Variants in KMT2C observed in about 807,000 individuals in gnomAD.
The protein encoded by KMT2C is lysine methyltransferase 2C.
A neutral mutation model predicts 507.9 loss-of-function variants in KMT2C; 88 were observed. The ratio of observed to expected loss-of-function variants is 0.17; its 90% confidence interval spans 0.15 to 0.21. The LOEUF is 0.21. Ranked by LOEUF, KMT2C falls within the 10% of genes least tolerant of loss-of-function variation. The probability of loss-of-function intolerance (pLI) is 1.00; values close to 1 mark genes in which losing one functional copy is unlikely to be tolerated. For missense variants in KMT2C, 4,954 were observed against 5,957.8 expected, an observed-to-expected ratio of 0.83 and a Z score of 5.55; for synonymous variants, 2,049 against 2,080.8, an observed-to-expected ratio of 0.98 and a Z score of 0.42.
chr7:152,350,199 G>A lies in KMT2C; in HGVS notation c.250+8388C>T, dbSNP rs570827144. On this transcript the variant is annotated intron_variant, in intron 2 of 58. Coordinates refer to ENST00000262189, the MANE Select transcript of KMT2C (RefSeq NM_170606.3). The stretch of plus-strand genomic sequence containing the variant: ...CAGGAGGCAGAAGTTGCAGTGAGCC[G>A]AGATTGCACCATTGCACTCCAGCTT... Among the ~76,000 whole-genome samples the A allele has an allele frequency of 3.9e-5, 6 of 152,242 alleles. No individual in the cohort carries two copies. The South Asian group carries it at 8.3e-4, about 21-fold the overall frequency.
intron 3 of KMT2C, among the ~76,000 whole-genome samples, chr7:152,326,556 T>C (rs1354993469): frequency 1.3e-5 from 2 of 152,186 alleles, no homozygotes; most frequent in Non-Finnish European, 2.9e-5. Flanking sequence ...CATATTCATT[T>C]AGAACATTTT....
intron 3 of KMT2C, among the ~76,000 whole-genome samples, chr7:152,324,866 GCTAA>G (rs1563864289): frequency 6.6e-6 from 1 of 151,912 alleles, no homozygotes; most frequent in Non-Finnish European, 1.5e-5. Context: ...CAAAATATTA[GCTAA>G]CTAAAACCCA....
rs77024878 is a variant in KMT2C, at chr7:152,327,188, C to T, written c.389+3413G>A. Reference sequence around the variant, plus strand: ...AGCATCAATCTACCTATATTTTTTACATGGATAGCCAATTATTGAGTGACC... The same window carrying T: ...AGCATCAATCTACCTATATTTTTTATATGGATAGCCAATTATTGAGTGACC... On this transcript the variant is annotated intron_variant, in intron 3 of 58. Transcript: ENST00000262189. Among the ~76,000 whole-genome samples, 478 of 152,332 alleles carry T rather than the reference C, an allele frequency of 3.1e-3. 16 individuals carry two copies. The East Asian group carries it at 0.075, about 24-fold the overall frequency.
intron 6 of KMT2C, among the ~76,000 whole-genome samples, chr7:152,292,480 G>T (rs1373521638): frequency 6.6e-6 from 1 of 151,948 alleles, no homozygotes; most frequent in Non-Finnish European, 1.5e-5. Context: ...CAAATAAATG[G>T]GTGTGGTTTT....
chr7:152,138,967 C>G lies in KMT2C; in HGVS notation c.14535-63G>C, dbSNP rs1455670492. On this transcript the variant is annotated intron_variant, in intron 57 of 58. Coordinates refer to ENST00000262189, the MANE Select transcript of KMT2C (RefSeq NM_170606.3). The surrounding 1 kb of genome is among the most constrained non-coding windows in gnomAD (Gnocchi z 4.2). ...AGCTAGAAGCAGCTTTAAAAACTTC[C>G]CATTTATTGATAAAGCAGTTTTTGC... is the stretch of plus-strand genomic sequence containing the variant. The G allele has an allele frequency of 7.8e-7, 1 of 1,281,630 alleles. No homozygotes were observed. The highest frequency in any genetic ancestry group is 1.5e-5 in the African/African-American group (1 of 67,960). 79.4% of individuals were successfully genotyped at this position (1,281,630 alleles called of 1,614,324 possible).
At chr7:152,157,959 G>T in intron 44 of KMT2C, 10 of 1,281,504 alleles carry the variant, frequency 7.8e-6, no homozygotes, top group Non-Finnish European at 1.0e-5. Context: ...TAATGTACAT[G>T]ATAAAAGGAA....
At chr7:152,251,871 T>C in intron 11 of KMT2C, 68 bp downstream of exon 11, 1 of 1,126,946 alleles carries the variant, frequency 8.9e-7, no homozygotes, top group African/African-American at 1.6e-5. Flanking sequence ...TAAAGCAATA[T>C]ATTGGTGATA....
Position 152,180,868 on chromosome 7 carries a change from T to G in KMT2C, c.6992A>C (p.Glu2331Ala). 6.2e-7 allele frequency: 1 copy of G among 1,614,210 alleles called. No homozygotes were observed. Among genetic ancestry groups the G allele is most frequent in the Non-Finnish European group, 8.5e-7 (1 of 1,180,038 alleles). ...GTTTGAAGATGCACAGAAGCTCCCC[T>G]CTGATCCAGGCCTTGGCTGATCAGC... is the stretch of plus-strand genomic sequence containing the variant. Reference protein sequence around the residue: ...DVADQPRPGSEGSFCASSNSP... With the variant: ...DVADQPRPGSAGSFCASSNSP... Residue 2331 changes from glutamate to alanine, a missense_variant, in exon 36 of 59, where the codon GAG (glutamate) becomes GCG (alanine). Transcript: ENST00000262189.
intron 31 of KMT2C, among the ~76,000 whole-genome samples, chr7:152,193,197 G>A (rs972583088): frequency 6.6e-6 from 1 of 152,084 alleles, no homozygotes; most frequent in East Asian, 1.9e-4. Flanking sequence ...AATACATATA[G>A]ATAGAGTTAT....
chr7:152,422,558 C>T (rs1301543103), intron 1 of KMT2C, among the ~76,000 whole-genome samples: 1 of 152,126 alleles, frequency 6.6e-6, no homozygotes, highest in Non-Finnish European at 1.5e-5. Context: ...TATCTGCCAT[C>T]GCAAGAACTT....
Position 152,263,144 on chromosome 7 carries a change from T to G in KMT2C, c.1185-14A>C. On this transcript the variant is annotated splice_polypyrimidine_tract_variant and intron_variant, in intron 8 of 58. Coordinates refer to ENST00000262189, the MANE Select transcript of KMT2C (RefSeq NM_170606.3). ...TCTCCCGATTGTCTAAAAAATAAGA[T>G]AGCATTAATGATGCCTTATCTTTAA... is the stretch of plus-strand genomic sequence containing the variant. The G allele has an allele frequency of 3.8e-6, 6 of 1,597,570 alleles. No individual in the cohort carries two copies. The highest frequency in any genetic ancestry group is 3.4e-6 in the Non-Finnish European group (4 of 1,169,960).
intron 40 of KMT2C, among the ~76,000 whole-genome samples, chr7:152,170,566 G>C (rs568536980): frequency 1.8e-3 from 275 of 152,274 alleles, no homozygotes; most frequent in Non-Finnish European, 2.9e-3. Context: ...GCAGTGGCGT[G>C]ATCTCGGCTC....
intron 23 of KMT2C, among the ~76,000 whole-genome samples, chr7:152,208,460 T>C (rs2094365030): frequency 1.3e-5 from 2 of 152,260 alleles, no homozygotes; most frequent in Admixed American, 1.3e-4. Flanking sequence ...TTAAAATCTG[T>C]GTCCCTGCTA....
At chr7:152,429,251 G>A (rs1295376014) in intron 1 of KMT2C, among the ~76,000 whole-genome samples, 1 of 152,076 alleles carries the variant, frequency 6.6e-6, no homozygotes, top group Non-Finnish European at 1.5e-5. Context: ...CCAAATGAAA[G>A]ATCTAAAAAG....
intron 1 of KMT2C, among the ~76,000 whole-genome samples, chr7:152,395,894 A>T (rs867220084): frequency 6.6e-6 from 1 of 152,216 alleles, no homozygotes; most frequent in African/African-American, 2.4e-5. Flanking sequence ...GCCCACTCTT[A>T]GCCAATTATA....
At chr7:152,242,346 C>T (rs2095402672) in intron 14 of KMT2C, among the ~76,000 whole-genome samples, 1 of 152,062 alleles carries the variant, frequency 6.6e-6, no homozygotes, top group African/African-American at 2.4e-5. Context: ...CTAATGCCTC[C>T]ACCAGTAATA....
rs1240112547 is a variant in KMT2C at position 152,273,942 on chromosome 7, T to A, written c.850-75A>T. On this transcript the variant is annotated intron_variant, in intron 6 of 58. Transcript: ENST00000262189. ...TATTCAAATATAAGCTGGGAAGGTA[T>A]AAAAAACTCTCTGTATATCACAAGT... 3 of 1,512,490 alleles carry A rather than the reference T, an allele frequency of 2.0e-6. No homozygotes were observed. The South Asian group carries it at 4.0e-5, about 20-fold the overall frequency. The allele number at this position is 1,512,490 out of a possible 1,614,324, so 93.7% of individuals were successfully genotyped here.
intron 23 of KMT2C, among the ~76,000 whole-genome samples, chr7:152,209,516 T>C (rs551638075): frequency 2.0e-5 from 3 of 149,062 alleles, no homozygotes; most frequent in South Asian, 2.1e-4. Context: ...TAAATTCATA[T>C]GTTAAAATTA....
At chr7:152,399,413 A>G (rs142907630) in intron 1 of KMT2C, among the ~76,000 whole-genome samples, 2 of 152,306 alleles carry the variant, frequency 1.3e-5, no homozygotes, top group East Asian at 3.9e-4. Context: ...ATGGAAAGAG[A>G]TCTCTTCTAA....
Sources: allele counts gnomAD v4.1 joint callset (sites outside exome capture counted in the v4.1 genomes callset), GRCh38; gene constraint gnomAD v4.1.1; non-coding constraint Gnocchi (gnomAD v3.1); transcripts MANE v1.5; gene names NCBI Gene and HGNC (gene_info 2026-07-23, HGNC 2026-07-21).